The following GABRG3 variants were observed in gnomAD, a reference collection of about 807,000 sequenced individuals.
GABRG3 encodes the protein gamma-aminobutyric acid type A receptor subunit gamma3.
A neutral mutation model predicts 48.8 loss-of-function variants in GABRG3; 25 were observed. The observed-to-expected ratio is 0.51, with a 90% confidence interval of 0.37 to 0.72. The LOEUF (loss-of-function observed/expected upper bound fraction) is 0.72. Ranked by LOEUF, GABRG3 falls within the 30% of genes least tolerant of loss-of-function variation. The probability of loss-of-function intolerance (pLI) is 0.00; values close to 1 mark genes in which losing one functional copy is unlikely to be tolerated. For missense variants in GABRG3, 394 were observed against 577.9 expected (o/e 0.68, Z 3.26); for synonymous variants, 227 against 217.6 (o/e 1.04, Z -0.38).
At chr15:27,388,182 G>A (rs1372293469) in intron 5 of GABRG3, among the ~76,000 whole-genome samples, 6 of 82,550 alleles carry the variant, frequency 7.3e-5, no homozygotes, top group African/African-American at 1.1e-4. Flanking sequence ...AAGGAAAGGA[G>A]GGAGGGAGGG....
At chr15:27,140,593 T>C (rs932808803) in intron 3 of GABRG3, among the ~76,000 whole-genome samples, 5 of 152,168 alleles carry the variant, frequency 3.3e-5, no homozygotes, top group African/African-American at 1.2e-4. Flanking sequence ...TTTTTTAAAT[T>C]TTATTTTACC....
intron 3 of GABRG3, among the ~76,000 whole-genome samples, chr15:27,219,520 C>T (rs868563247): frequency 3.3e-5 from 5 of 152,220 alleles, no homozygotes; most frequent in Admixed American, 6.5e-5. Flanking sequence ...GTGGGCAGGA[C>T]GAGGACAGTG....
At chr15:27,291,935 T>G (rs1176330972) in intron 3 of GABRG3, among the ~76,000 whole-genome samples, 1 of 152,304 alleles carries the variant, frequency 6.6e-6, no homozygotes, top group East Asian at 1.9e-4. Flanking sequence ...GCAAGTGTCA[T>G]TGGGACATTT....
At position 27,179,229 on chromosome 15, in the gene GABRG3, G is replaced by A. The variant is rs895662782; in HGVS notation, c.271-147580G>A. Among the ~76,000 whole-genome samples the A allele has an allele frequency of 2.6e-5, 4 of 152,142 alleles. No individual in the cohort carries two copies. The highest frequency in any genetic ancestry group is 4.4e-5 in the Non-Finnish European group (3 of 68,036). ...AATATTGCTTACTCCTATCATCAAT[G>A]CATTGCCGTGATTTGCCATTTCAAA... On this transcript the variant is annotated intron_variant, in intron 3 of 9. Coordinates refer to ENST00000615808, the MANE Select transcript of GABRG3 (RefSeq NM_033223.5). This position sits in a 1 kb window ranked among gnomAD's most constrained non-coding sequence, Gnocchi z 4.0.
At chr15:27,311,168 A>G (rs957445059) in intron 3 of GABRG3, among the ~76,000 whole-genome samples, 2 of 152,148 alleles carry the variant, frequency 1.3e-5, no homozygotes, top group African/African-American at 4.8e-5. Context: ...TCAGCAACAA[A>G]GCATGGACAA....
chr15:27,096,746 TTTG>T (rs1196935828), intron 3 of GABRG3, among the ~76,000 whole-genome samples: 4 of 152,174 alleles, frequency 2.6e-5, no homozygotes, highest in Non-Finnish European at 4.4e-5. Context: ...TCTTTTTGTA[TTTG>T]TTGTTGTTTT....
chr15:27,272,166 A>G (rs1301936661), intron 3 of GABRG3, among the ~76,000 whole-genome samples: 1 of 152,126 alleles, frequency 6.6e-6, no homozygotes, highest in Non-Finnish European at 1.5e-5. Flanking sequence ...TCTTTCTTAT[A>G]CTGTATTCAT....
rs191339384 is a variant in GABRG3 at position 27,022,624 on chromosome 15, C to T, written c.203-4130C>T. On this transcript the variant is annotated intron_variant, in intron 2 of 9. Transcript: ENST00000615808. ...TTTGACCATGACAGGATTCCTTTAA[C>T]GTCCACAATAAGCAAGGCAAAGCAT... 3.7e-3 allele frequency among the ~76,000 whole-genome samples: 565 copies of T among 152,256 alleles called. 4 individuals are homozygous for T. Among genetic ancestry groups the T allele is most frequent in the African/African-American group, 0.012 (519 of 41,534 alleles).
chr15:27,095,788 C>T (rs929875348), intron 3 of GABRG3, among the ~76,000 whole-genome samples: 1 of 152,116 alleles, frequency 6.6e-6, no homozygotes, highest in African/African-American at 2.4e-5. Context: ...CCGGGAAGCA[C>T]GTGCCTTCCT....
chr15:27,009,681 A>T (rs1266195381), intron 2 of GABRG3, among the ~76,000 whole-genome samples: 1 of 152,214 alleles, frequency 6.6e-6, no homozygotes, highest in East Asian at 1.9e-4. Context: ...TGAGGCCCAA[A>T]CAGTATCATC....
At chr15:27,085,824 A>T (rs1484762276) in intron 3 of GABRG3, among the ~76,000 whole-genome samples, 1 of 152,210 alleles carries the variant, frequency 6.6e-6, no homozygotes, top group Admixed American at 6.5e-5. Context: ...TCTCCCTAGC[A>T]TATTATTTTA....
chr15:27,127,582 C>A (rs1197840630), intron 3 of GABRG3, among the ~76,000 whole-genome samples: 1 of 152,106 alleles, frequency 6.6e-6, no homozygotes, highest in East Asian at 1.9e-4. Context: ...TTCTGCACTT[C>A]ACGGTGGAGG....
intron 5 of GABRG3, among the ~76,000 whole-genome samples, chr15:27,429,717 T>G (rs1888393564): frequency 6.6e-6 from 1 of 152,234 alleles, no homozygotes; most frequent in Non-Finnish European, 1.5e-5. Context: ...TTTTCATGGT[T>G]TGTCTACCTC....
chr15:27,512,128 C>T (rs898402191), intron 6 of GABRG3, among the ~76,000 whole-genome samples: 8 of 152,070 alleles, frequency 5.3e-5, no homozygotes, highest in Non-Finnish European at 1.2e-4. Flanking sequence ...CTTGATTTGA[C>T]CCCTATTTTA....
chr15:27,359,481 G>C (rs1227410520), intron 5 of GABRG3, among the ~76,000 whole-genome samples: 4 of 152,140 alleles, frequency 2.6e-5, no homozygotes, highest in African/African-American at 9.7e-5. Context: ...TATTTTGAAA[G>C]TGATTGAGTT....
At chr15:27,194,138 A>C (rs772317316) in intron 3 of GABRG3, among the ~76,000 whole-genome samples, 1 of 152,218 alleles carries the variant, frequency 6.6e-6, no homozygotes, top group Non-Finnish European at 1.5e-5. Flanking sequence ...AACAGTCTCA[A>C]TGTTTTACCA....
chr15:27,026,862 C>T, intron 3 of GABRG3, 41 bp downstream of exon 3: 2 of 1,392,580 alleles, frequency 1.4e-6, no homozygotes, highest in South Asian at 2.6e-5. Context: ...GGCTGTTGCA[C>T]CTCTTCTTGT....
At chr15:27,488,915 A>G (rs1890280994) in intron 6 of GABRG3, among the ~76,000 whole-genome samples, 1 of 152,200 alleles carries the variant, frequency 6.6e-6, no homozygotes, top group Non-Finnish European at 1.5e-5. Context: ...GTTCTAGGAT[A>G]CATGTGCAGA....
At chr15:27,059,884 G>A (rs1296272963) in intron 3 of GABRG3, among the ~76,000 whole-genome samples, 1 of 152,216 alleles carries the variant, frequency 6.6e-6, no homozygotes, top group East Asian at 1.9e-4. Context: ...GTATTCTATT[G>A]TAGCAAAAGG....
Sources: allele counts gnomAD v4.1 joint callset (sites outside exome capture counted in the v4.1 genomes callset), GRCh38; gene constraint gnomAD v4.1.1; non-coding constraint Gnocchi (gnomAD v3.1); transcripts MANE v1.5; gene names NCBI Gene and HGNC (gene_info 2026-07-23, HGNC 2026-07-21).